Variants in RANBP17 observed in about 807,000 individuals in gnomAD.
RANBP17 encodes the protein ran-binding protein 17.
A neutral mutation model predicts 141.2 loss-of-function variants in RANBP17; 158 were observed. That is an observed-to-expected ratio of 1.12 (90% CI 0.98 to 1.28). RANBP17 has a LOEUF of 1.28. RANBP17 is among the 50% of genes most tolerant of loss of function. RANBP17 has a pLI of 0.00. For synonymous variants in RANBP17, 430 were observed against 450.0 expected, an observed-to-expected ratio of 0.96 and a Z score of 0.56; for missense variants, 1,438 against 1,290.7, an observed-to-expected ratio of 1.11 and a Z score of -1.75.
intron 27 of RANBP17, 102 bp from the exon 28 acceptor site, chr5:171,298,660 G>A (rs192488076): frequency 1.3e-6 from 1 of 748,564 alleles, no homozygotes; most frequent in East Asian, 2.7e-5. Context: ...CTCCAGGAGG[G>A]GGCTCCCCAA....
chr5:171,186,526 C>CTTTTTTTTTTTTTTTTTTTTT lies in RANBP17; in HGVS notation c.2038+3104_2038+3124dup, dbSNP rs757585137. On this transcript the variant is annotated intron_variant, in intron 18 of 27. Transcript: ENST00000523189. The stretch of plus-strand genomic sequence containing the variant: ...GAAATGTTATCACTGGTATGATTTT[C>CTTTTTTTTTTTTTTTTTTTTT]TTTTTTTTTTTTTTTTTTTTTTTTT... Among the ~76,000 whole-genome samples, 6 of 41,664 alleles carry CTTTTTTTTTTTTTTTTTTTTT rather than the reference C, an allele frequency of 1.4e-4. 3 individuals are homozygous for CTTTTTTTTTTTTTTTTTTTTT. The highest frequency in any genetic ancestry group is 1.8e-4 in the African/African-American group (2 of 11,276). The allele number at this position is 41,664 out of a possible 152,430, so 27.3% of individuals were successfully genotyped here. A position where few individuals can be genotyped will look rare whatever the true frequency, so the allele number is the denominator to read the frequency against.
chr5:171,059,532 T>A (rs1413992791), intron 14 of RANBP17, among the ~76,000 whole-genome samples: 1 of 151,422 alleles, frequency 6.6e-6, no homozygotes, highest in Non-Finnish European at 1.5e-5. Flanking sequence ...TATCTCTGTT[T>A]TGGTACCAGT....
chr5:171,261,063 C>T (rs1185169054), intron 24 of RANBP17, among the ~76,000 whole-genome samples: 2 of 135,270 alleles, frequency 1.5e-5, no homozygotes, highest in African/African-American at 5.6e-5. Context: ...AGAGATTTTA[C>T]ACATTAGCTT....
chr5:170,924,123 G>T (rs775955391), intron 11 of RANBP17, among the ~76,000 whole-genome samples: 1 of 151,682 alleles, frequency 6.6e-6, no homozygotes, highest in Non-Finnish European at 1.5e-5. Flanking sequence ...TCAGCCTCTT[G>T]CGTAACTGGG....
chr5:171,125,384 A>C (rs569962159), intron 14 of RANBP17, among the ~76,000 whole-genome samples: 428 of 151,242 alleles, frequency 2.8e-3, no homozygotes, highest in African/African-American at 9.8e-3. Context: ...GGAACTGTAT[A>C]TCAAACAAAG....
rs763142452 is a variant in RANBP17 at position 171,221,738 on chromosome 5, T to C, written c.2340-20T>C. The stretch of plus-strand genomic sequence containing the variant: ...TTTCTTTATCTTCACATATAGGCAA[T>C]TTTTTTCTATATTTCTTAGATCCCA... On this transcript the variant is annotated intron_variant, in intron 21 of 27. Coordinates refer to ENST00000523189, the MANE Select transcript of RANBP17 (RefSeq NM_022897.5). 1 of 1,516,080 alleles carries C rather than the reference T, an allele frequency of 6.6e-7. No individual in the cohort carries two copies. Among genetic ancestry groups the C allele is most frequent in the Non-Finnish European group, 9.1e-7 (1 of 1,095,302 alleles). 93.9% of individuals were successfully genotyped at this position (1,516,080 alleles called of 1,614,324 possible). A position where few individuals can be genotyped will look rare whatever the true frequency, so the allele number is the denominator to read the frequency against.
At chr5:170,894,482 T>TATATATATATATATATATATATATATATA in intron 4 of RANBP17, among the ~76,000 whole-genome samples, 2 of 38,536 alleles carry the variant, frequency 5.2e-5, no homozygotes, top group African/African-American at 2.2e-4. Flanking sequence ...TTAGTACGTG[T>TATATATATATATATATATATATATATATA]TTTTTATATA....
chr5:170,924,527 C>T lies in RANBP17; in HGVS notation c.1445C>T (p.Thr482Ile), dbSNP rs1561895995. 1.2e-6 allele frequency: 2 copies of T among 1,604,640 alleles called. No individual in the cohort carries two copies. The highest frequency in any genetic ancestry group is 1.7e-5 in the Admixed American group (1 of 59,952). The change falls in exon 12 of 28, where the codon ACT becomes ATT. Residue 482 changes from threonine (T) to isoleucine (I), a missense_variant. Thr to Ile is a moderately conservative substitution (Grantham distance 89). Coordinates refer to ENST00000523189, the MANE Select transcript of RANBP17 (RefSeq NM_022897.5). Reference sequence around the variant, plus strand: ...CTTCTGCATCCATATTCTGGTGTAACTGTGGACATCACCATTCAGGAAGGT... The same window carrying T: ...CTTCTGCATCCATATTCTGGTGTAATTGTGGACATCACCATTCAGGAAGGT... ...QKLLHPYSGV[T>I]VDITIQEGRL...
intron 14 of RANBP17, among the ~76,000 whole-genome samples, chr5:171,124,336 A>G (rs1254358629): frequency 2.6e-5 from 4 of 152,140 alleles, no homozygotes; most frequent in Admixed American, 2.0e-4. Flanking sequence ...AAAATTAATG[A>G]AGAAACCCAG....
At chr5:171,071,157 A>G (rs1361784284) in intron 14 of RANBP17, among the ~76,000 whole-genome samples, 1 of 152,040 alleles carries the variant, frequency 6.6e-6, no homozygotes, top group African/African-American at 2.4e-5. Flanking sequence ...TAACCTCGCC[A>G]TTTTTAACCC....
At chr5:171,012,356 A>G (rs553888094) in intron 14 of RANBP17, among the ~76,000 whole-genome samples, 32 of 152,118 alleles carry the variant, frequency 2.1e-4, no homozygotes, top group African/African-American at 5.3e-4. Flanking sequence ...AAGGAAATGA[A>G]CTGATATTTA....
chr5:171,118,573 A>ATT (rs994759229), intron 14 of RANBP17, among the ~76,000 whole-genome samples: 4 of 151,466 alleles, frequency 2.6e-5, no homozygotes, highest in African/African-American at 9.7e-5. Flanking sequence ...AGTTTCTTTC[A>ATT]TTTGTGTTTT....
At chr5:170,911,387 G>C in intron 7 of RANBP17, 1 of 574,400 alleles carries the variant, frequency 1.7e-6, no homozygotes, top group East Asian at 2.9e-5. Context: ...AGCAGATTTG[G>C]GAGGAAAGTC....
intron 14 of RANBP17, among the ~76,000 whole-genome samples, chr5:171,154,098 GTTTTTTT>G (rs70982325): frequency 1.5e-5 from 2 of 130,268 alleles, no homozygotes; most frequent in Admixed American, 7.7e-5. Flanking sequence ...GTTCACTTTA[GTTTTTTT>G]TTTTTTTTTT....
intron 5 of RANBP17, among the ~76,000 whole-genome samples, chr5:170,902,484 A>G (rs1028216570): frequency 6.6e-5 from 10 of 152,130 alleles, no homozygotes; most frequent in Non-Finnish European, 1.3e-4. Flanking sequence ...TTTAGCTCAG[A>G]GGAGTTTATT....
chr5:170,997,474 G>A (rs1778896274), intron 14 of RANBP17, among the ~76,000 whole-genome samples: 1 of 152,114 alleles, frequency 6.6e-6, no homozygotes, highest in Non-Finnish European at 1.5e-5. Context: ...GAAGAAACTG[G>A]TCCAAAAGTT....
chr5:171,250,566 T>A lies in RANBP17; in HGVS notation c.2776+7746T>A, dbSNP rs1034105330. On this transcript the variant is annotated intron_variant, in intron 24 of 27. Transcript: ENST00000523189. Reference sequence around the variant, plus strand: ...TGGCTGAACTGATTTAAAAAAAAAATTTGATCCAACTATATACTGCTTACA... The same window carrying A: ...TGGCTGAACTGATTTAAAAAAAAAAATTGATCCAACTATATACTGCTTACA... 5.9e-5 allele frequency among the ~76,000 whole-genome samples: 9 copies of A among 151,852 alleles called. No individual in the cohort carries two copies. The South Asian group carries it at 8.3e-4, about 14-fold the overall frequency.
At chr5:171,077,951 A>G (rs1785037379) in intron 14 of RANBP17, among the ~76,000 whole-genome samples, 1 of 152,172 alleles carries the variant, frequency 6.6e-6, no homozygotes, top group Admixed American at 6.5e-5. Context: ...ACAGAAGAAA[A>G]GTTGGAAGCT....
At chr5:171,189,904 T>C (rs1761512845) in intron 18 of RANBP17, among the ~76,000 whole-genome samples, 1 of 152,090 alleles carries the variant, frequency 6.6e-6, no homozygotes, top group Non-Finnish European at 1.5e-5. Context: ...ATAGTGCTGT[T>C]GTCAAGAGCA....
Sources: gnomAD v4.1 joint callset for allele counts (sites outside exome capture counted in the v4.1 genomes callset) on GRCh38, gnomAD v4.1.1 for gene constraint, MANE v1.5 for transcripts, NCBI Gene and HGNC (gene_info 2026-07-23, HGNC 2026-07-21) for gene names.